The following L3MBTL4 variants were observed in gnomAD, a reference collection of about 807,000 sequenced individuals.
L3MBTL4 encodes L3MBTL histone methyl-lysine binding protein 4.
L3MBTL4 carries 70 observed loss-of-function variants against 84.5 expected under a neutral mutation model. The observed-to-expected ratio is 0.83, with a 90% CI of 0.68 to 1.01. L3MBTL4 has a LOEUF of 1.01. L3MBTL4 is among the 50% of genes least tolerant of loss of function. The pLI is 0.00. For missense variants in L3MBTL4, 715 were observed against 754.8 expected (o/e 0.95, Z 0.62); for synonymous variants, 274 against 259.8 (o/e 1.05, Z -0.52).
intron 1 of L3MBTL4, among the ~76,000 whole-genome samples, chr18:6,325,813 G>A (rs1160824750): frequency 6.6e-6 from 1 of 152,170 alleles, no homozygotes; most frequent in Non-Finnish European, 1.5e-5. Flanking sequence ...TTGAAATGGT[G>A]TACCCTAGTC....
chr18:6,376,994 A>C lies in L3MBTL4; in HGVS notation c.-91+37807T>G, dbSNP rs561088326. Among the ~76,000 whole-genome samples, 4 of 152,306 alleles carry C rather than the reference A, an allele frequency of 2.6e-5. No individual in the cohort carries two copies. In the East Asian group the frequency reaches 7.7e-4, roughly 29 times the overall value. ...AGTAACGCTGACTATCACAAATTCC[A>C]GAAAGTTCTCTCAACCAAAAGCAAA... On this transcript the variant is annotated intron_variant, in intron 1 of 18. Coordinates refer to ENST00000317931, the MANE Select transcript of L3MBTL4 (RefSeq NM_001330559.2).
At chr18:6,327,645 C>T (rs75385743) in intron 1 of L3MBTL4, among the ~76,000 whole-genome samples, 7,257 of 152,170 alleles carry the variant, frequency 0.048, 497 homozygotes, top group African/African-American at 0.15. Context: ...TGAAGATATA[C>T]AGGTTTGGGG....
At chr18:6,361,432 G>T (rs2053690771) in intron 1 of L3MBTL4, among the ~76,000 whole-genome samples, 1 of 152,138 alleles carries the variant, frequency 6.6e-6, no homozygotes, top group Non-Finnish European at 1.5e-5. Context: ...CATGATCATA[G>T]CCCCAGCAAC....
intron 1 of L3MBTL4, among the ~76,000 whole-genome samples, chr18:6,372,329 C>A (rs187669006): frequency 1.9e-3 from 293 of 152,224 alleles, no homozygotes; most frequent in Non-Finnish European, 3.1e-3. Flanking sequence ...CATAAATATG[C>A]CGATGCTGGT....
rs141605016 is a variant in L3MBTL4, at chr18:5,964,174, C to T, written c.1615-4018G>A. Among the ~76,000 whole-genome samples the T allele has an allele frequency of 3.0e-3, 456 of 152,342 alleles. 2 individuals carry two copies. Among genetic ancestry groups the T allele is most frequent in the Middle Eastern group, 0.024 (7 of 294 alleles). On this transcript the variant is annotated intron_variant, in intron 17 of 18. Coordinates refer to ENST00000317931, the MANE Select transcript of L3MBTL4 (RefSeq NM_001330559.2). The stretch of plus-strand genomic sequence containing the variant: ...ACGCAGTGTCCTACAGCTAAAATCC[C>T]TGTTTTGTTTTGGAAGGACACTGAG...
chr18:6,296,625 G>T (rs1270049407), intron 4 of L3MBTL4, among the ~76,000 whole-genome samples: 1 of 152,166 alleles, frequency 6.6e-6, no homozygotes, highest in Non-Finnish European at 1.5e-5. Flanking sequence ...CTATACAGCT[G>T]CAGCAAAGCA....
At position 6,070,651 on chromosome 18, in the gene L3MBTL4, TACAAAAA is replaced by T. The variant is rs201701840; in HGVS notation, c.1444+10223_1444+10229del. Among the ~76,000 whole-genome samples the T allele has an allele frequency of 4.7e-3, 713 of 151,658 alleles. 2 individuals carry two copies. The highest frequency in any genetic ancestry group is 0.012 in the African/African-American group (481 of 41,330). ...GAGCAACATAGTGAGATCCCATCTT[TACAAAAA>T]ACAAAAAACAAAAAACAAAAAAAAC... On this transcript the variant is annotated intron_variant, in intron 16 of 18. Transcript: ENST00000317931.
chr18:6,056,501 G>C (rs2057027940), intron 16 of L3MBTL4, among the ~76,000 whole-genome samples: 1 of 152,156 alleles, frequency 6.6e-6, no homozygotes, highest in South Asian at 2.1e-4. Flanking sequence ...CTGAGTGCTG[G>C]TCAGACCTTT....
chr18:6,101,092 T>C (rs1371927909), intron 14 of L3MBTL4, among the ~76,000 whole-genome samples: 1 of 152,190 alleles, frequency 6.6e-6, no homozygotes, highest in Non-Finnish European at 1.5e-5. Context: ...AAGGTGGTTA[T>C]TGTCTAAAGT....
chr18:6,382,979 G>A (rs79522061), intron 1 of L3MBTL4, among the ~76,000 whole-genome samples: 8,961 of 152,182 alleles, frequency 0.059, 894 homozygotes, highest in African/African-American at 0.2. Flanking sequence ...TCCCTGACTG[G>A]GGCTTTGCGT....
At chr18:6,380,021 C>T (rs766148674) in intron 1 of L3MBTL4, among the ~76,000 whole-genome samples, 5 of 152,078 alleles carry the variant, frequency 3.3e-5, no homozygotes, top group Non-Finnish European at 5.9e-5. Context: ...TTTAGGGATT[C>T]GACTTCTTCC....
intron 4 of L3MBTL4, among the ~76,000 whole-genome samples, chr18:6,285,978 C>G (rs572189821): frequency 3.3e-5 from 5 of 151,526 alleles, no homozygotes; most frequent in African/African-American, 9.7e-5. Context: ...ATCACAGGTG[C>G]GTGCCACCAC....
chr18:6,345,240 A>G (rs906632523), intron 1 of L3MBTL4, among the ~76,000 whole-genome samples: 7 of 149,670 alleles, frequency 4.7e-5, no homozygotes, highest in Admixed American at 4.7e-4. Context: ...AAAAAAAGAA[A>G]AAAAAAAAGA....
At chr18:6,165,066 G>C (rs889362493) in intron 13 of L3MBTL4, among the ~76,000 whole-genome samples, 8 of 152,162 alleles carry the variant, frequency 5.3e-5, no homozygotes, top group African/African-American at 1.9e-4. Context: ...CGATCAACTG[G>C]AAGAAAGGGT....
At chr18:5,969,601 A>G in intron 16 of L3MBTL4, 39 bp from the exon 17 acceptor site, 1 of 1,559,284 alleles carries the variant, frequency 6.4e-7, no homozygotes, top group Non-Finnish European at 8.7e-7. Flanking sequence ...TCAGGCTCCC[A>G]GAGAGCAAGC....
At chr18:5,986,393 T>C (rs2053466768) in intron 16 of L3MBTL4, among the ~76,000 whole-genome samples, 1 of 152,212 alleles carries the variant, frequency 6.6e-6, no homozygotes, top group Admixed American at 6.5e-5. Context: ...ATTTCACTGC[T>C]CTTTCCATTA....
chr18:6,106,443 G>A (rs548301273), intron 14 of L3MBTL4, among the ~76,000 whole-genome samples: 6 of 152,240 alleles, frequency 3.9e-5, no homozygotes, highest in South Asian at 2.1e-4. Context: ...TTTCATTCCC[G>A]AATGTACTGA....
chr18:6,407,906 C>T (rs763993636), intron 1 of L3MBTL4, among the ~76,000 whole-genome samples: 15 of 152,134 alleles, frequency 9.9e-5, no homozygotes, highest in Non-Finnish European at 1.8e-4. Context: ...GGAAAGCGCA[C>T]AGTATGTATA....
intron 12 of L3MBTL4, among the ~76,000 whole-genome samples, chr18:6,210,017 C>T (rs79875528): frequency 0.018 from 2,665 of 152,140 alleles, 71 homozygotes; most frequent in African/African-American, 0.06. Flanking sequence ...AATGAGGTGG[C>T]TGCTAATGGG....
Sources: allele counts gnomAD v4.1 joint callset (sites outside exome capture counted in the v4.1 genomes callset), GRCh38; gene constraint gnomAD v4.1.1; transcripts MANE v1.5; gene names NCBI Gene and HGNC (gene_info 2026-07-23, HGNC 2026-07-21).